Variants in OLFML3 observed in about 807,000 individuals in gnomAD.
OLFML3 encodes olfactomedin-like protein 3.
Under a neutral mutation model 36.0 loss-of-function variants are expected in OLFML3, and 26 were observed. That is an observed-to-expected ratio of 0.72 (90% CI 0.53 to 1.00). OLFML3 has a LOEUF of 1.00. OLFML3 is among the 50% of genes least tolerant of loss of function. The pLI, the probability that OLFML3 is intolerant of heterozygous loss-of-function variation, is 0.00. For missense variants in OLFML3, 503 were observed against 519.4 expected (o/e 0.97, Z 0.31); for synonymous variants, 184 against 201.2 (o/e 0.91, Z 0.72).
rs763643091 is a variant in OLFML3 at position 113,981,324 on chromosome 1, CA to C, written c.777del (p.Glu260ArgfsTer3). The part of the protein sequence containing the change: ...RTVVDSSVFP[A>X]EGLIPPYGLT... ...GTGGTGGACAGCTCAGTATTCCCAG[CA>C]GAGGGGCTGATCCCCCCCTACGGCT... On this transcript the variant is annotated frameshift_variant, in exon 3 of 3. Coordinates refer to ENST00000320334, the MANE Select transcript of OLFML3 (RefSeq NM_020190.5). LOFTEE classifies it high-confidence loss of function. 2 of 1,598,402 alleles carry C rather than the reference CA, an allele frequency of 1.3e-6. No individual in the cohort carries two copies. The highest frequency in any genetic ancestry group is 2.3e-5 in the South Asian group (2 of 88,028).
chr1:113,980,045 A>C (rs748260280), intron 1 of OLFML3: 1 of 1,540,444 alleles, frequency 6.5e-7, no homozygotes, highest in South Asian at 1.2e-5. Flanking sequence ...TCACACCTTC[A>C]TGCGCTTAGA....
Position 113,980,588 on chromosome 1 carries a change from G to A in OLFML3, c.371G>A (p.Arg124Lys), listed in dbSNP as rs369302877. The change falls in exon 2 of 3, where the codon AGA becomes AAA. Residue 124 changes from arginine to lysine, a missense_variant. By Grantham distance (26) the Arg-to-Lys change is conservative. Transcript: ENST00000320334. ...GGCCCTGGGACCAAAGGCAAGGGAAGAAGGAATGAGAAGTACGATATGGTG... is the reference window on the plus strand; with the variant it reads ...GGCCCTGGGACCAAAGGCAAGGGAAAAAGGAATGAGAAGTACGATATGGTG... Reference protein sequence around the residue: ...TGGPGTKGKGRRNEKYDMVTD... With the variant: ...TGGPGTKGKGKRNEKYDMVTD... The A allele has an allele frequency of 1.9e-6, 3 of 1,607,524 alleles. No homozygotes were observed. Among genetic ancestry groups the A allele is most frequent in the Non-Finnish European group, 2.5e-6 (3 of 1,176,994 alleles).
In OLFML3 at chr1:113,979,575, A is replaced by G; in HGVS notation, c.59A>G (p.Gln20Arg). Residue 20 changes from glutamine (Q) to arginine (R), a missense_variant, in exon 1 of 3, where the codon CAA (glutamine) becomes CGA (arginine). Physicochemically the swap from Gln to Arg is conservative, Grantham distance 43. Coordinates refer to ENST00000320334, the MANE Select transcript of OLFML3 (RefSeq NM_020190.5). Reference sequence around the variant, plus strand: ...CTTTTGTCATGGTCGGGACCCCTCCAAGGACAGCAGCACCACCTTGTGGAG... The same window carrying G: ...CTTTTGTCATGGTCGGGACCCCTCCGAGGACAGCAGCACCACCTTGTGGAG... Reference protein sequence around the residue: ...LFLLSWSGPLQGQQHHLVEYM... With the variant: ...LFLLSWSGPLRGQQHHLVEYM... 1 of 1,614,152 alleles carries G rather than the reference A, an allele frequency of 6.2e-7. No homozygotes were observed. The highest frequency in any genetic ancestry group is 1.1e-5 in the South Asian group (1 of 91,078).
chr1:113,979,872 GA>G (rs1673342541), intron 1 of OLFML3: 1 of 1,285,044 alleles, frequency 7.8e-7, no homozygotes, highest in Non-Finnish European at 1.0e-6. Context: ...GGGCAGAGTG[GA>G]AACGAGAGCC....
chr1:113,980,285 G>C, intron 1 of OLFML3, 47 bp from the exon 2 acceptor site: 1 of 1,524,256 alleles, frequency 6.6e-7, no homozygotes, highest in South Asian at 1.3e-5. Flanking sequence ...CTCCCTGCCT[G>C]GGAGTTGTAA....
rs143253098 is a variant in OLFML3 at position 113,980,559 on chromosome 1, T to C, written c.342T>C (p.Thr114=). ...LPCVEFDEKV[T]GGPGTKGKGR... is the part of the protein sequence containing the mutation. ...GTGTAGAGTTTGATGAGAAGGTGAC[T>C]GGAGGCCCTGGGACCAAAGGCAAGG... Residue 114 remains threonine (T), a synonymous_variant, in exon 2 of 3, where the codon ACT becomes ACC. Coordinates refer to ENST00000320334, the MANE Select transcript of OLFML3 (RefSeq NM_020190.5). 147 of 1,613,012 alleles carry C rather than the reference T, an allele frequency of 9.1e-5. No homozygotes were observed. The highest frequency in any genetic ancestry group is 1.0e-4 in the Non-Finnish European group (120 of 1,179,648).
In OLFML3 at chr1:113,981,441, T is replaced by C. The variant is rs1321681989; in HGVS notation, c.893T>C (p.Leu298Pro). 6.2e-7 allele frequency: 1 copy of C among 1,613,306 alleles called. No homozygotes were observed. Among genetic ancestry groups the C allele is most frequent in the African/African-American group, 1.3e-5 (1 of 74,904 alleles). The change falls in exon 3 of 3, where the codon CTG becomes CCG. Residue 298 changes from leucine to proline, a missense_variant. Physicochemically the swap from Leu to Pro is moderately conservative, Grantham distance 98. Coordinates refer to ENST00000320334, the MANE Select transcript of OLFML3 (RefSeq NM_020190.5). Reference sequence around the variant, plus strand: ...CGGGAGGATGACAGGCACTTGTGTCTGGCCAAGTTAGATCCACAGACACTG... The same window carrying C: ...CGGGAGGATGACAGGCACTTGTGTCCGGCCAAGTTAGATCCACAGACACTG... ...ATREDDRHLC[L>P]AKLDPQTLDT...
rs768523728 is a variant in OLFML3, at chr1:113,981,417, G to A, written c.869G>A (p.Arg290Gln). ...GGTCTTTGGGCTGTCTATGCCACCC[G>A]GGAGGATGACAGGCACTTGTGTCTG... is the stretch of plus-strand genomic sequence containing the variant. Reference protein sequence around the residue: ...EEGLWAVYATREDDRHLCLAK... With the variant: ...EEGLWAVYATQEDDRHLCLAK... The change falls in exon 3 of 3, where the codon CGG (arginine) becomes CAG (glutamine). Residue 290 changes from arginine to glutamine, a missense_variant. Transcript: ENST00000320334. 12 of 1,612,778 alleles carry A rather than the reference G, an allele frequency of 7.4e-6. No individual in the cohort carries two copies. Among genetic ancestry groups the A allele is most frequent in the Non-Finnish European group, 9.3e-6 (11 of 1,179,310 alleles).
Position 113,981,268 on chromosome 1 carries a change from G to C in OLFML3, c.720G>C (p.Gln240His), listed in dbSNP as rs748663617. Residue 240 changes from glutamine to histidine, a missense_variant, in exon 3 of 3, where the codon CAG becomes CAC. Coordinates refer to ENST00000320334, the MANE Select transcript of OLFML3 (RefSeq NM_020190.5). ...GGGGEMENTL[Q>H]LIKFHLANRT... ...GTGGTGAGATGGAGAACACTTTGCA[G>C]CTAATCAAATTCCACCTGGCAAACC... 9 of 1,609,858 alleles carry C rather than the reference G, an allele frequency of 5.6e-6. No individual in the cohort carries two copies. The highest frequency in any genetic ancestry group is 1.7e-4 in the Middle Eastern group (1 of 6,040).
At chr1:113,979,984 C>T (rs913785383) in intron 1 of OLFML3, 52 of 1,456,284 alleles carry the variant, frequency 3.6e-5, no homozygotes, top group Admixed American at 5.5e-5. Context: ...GGTTGAGATC[C>T]GTAGCATTTT....
Position 113,981,330 on chromosome 1 carries a change from G to C in OLFML3, c.782G>C (p.Gly261Ala). 3 of 1,599,166 alleles carry C rather than the reference G, an allele frequency of 1.9e-6. No individual in the cohort carries two copies. The highest frequency in any genetic ancestry group is 2.6e-6 in the Non-Finnish European group (3 of 1,172,024). Residue 261 changes from glycine (G) to alanine (A), a missense_variant, in exon 3 of 3, where the codon GGG (glycine) becomes GCG (alanine). Transcript: ENST00000320334. The stretch of plus-strand genomic sequence containing the variant: ...GACAGCTCAGTATTCCCAGCAGAGG[G>C]GCTGATCCCCCCCTACGGCTTGACA... ...VVDSSVFPAE[G>A]LIPPYGLTAD...
intron 1 of OLFML3, 46 bp from the exon 2 acceptor site, chr1:113,980,286 G>C (rs1673361493): frequency 6.6e-7 from 1 of 1,524,236 alleles, no homozygotes; most frequent in South Asian, 1.3e-5. Context: ...TCCCTGCCTG[G>C]GAGTTGTAAC....
In OLFML3 at chr1:113,981,686, C is replaced by G. The variant is rs745554030; in HGVS notation, c.1138C>G (p.Arg380Gly). 1.2e-5 allele frequency: 19 copies of G among 1,613,936 alleles called. 1 individual carries two copies. The highest frequency in any genetic ancestry group is 1.6e-4 in the Middle Eastern group (1 of 6,084). ...GAHASLRYNP[R>G]ERQLYAWDDG... ...CCATGCCAGCCTCCGCTATAACCCCCGAGAACGCCAGCTCTATGCCTGGGA... is the reference window on the plus strand; with the variant it reads ...CCATGCCAGCCTCCGCTATAACCCCGGAGAACGCCAGCTCTATGCCTGGGA... The change falls in exon 3 of 3, where the codon CGA (arginine) becomes GGA (glycine). Residue 380 changes from arginine to glycine, a missense_variant. Physicochemically the swap from Arg to Gly is moderately radical, Grantham distance 125. Coordinates refer to ENST00000320334, the MANE Select transcript of OLFML3 (RefSeq NM_020190.5).
At chr1:113,979,657 C>T (rs753500974) in intron 1 of OLFML3, 27 bp downstream of exon 1, 8 of 1,480,838 alleles carry the variant, frequency 5.4e-6, no homozygotes, top group Non-Finnish European at 5.7e-6. Flanking sequence ...TCTTCTAGCC[C>T]CGCCTAGAAG....
chr1:113,980,706 G>A, intron 2 of OLFML3, 89 bp downstream of exon 2: 1 of 1,365,224 alleles, frequency 7.3e-7, no homozygotes. Flanking sequence ...CTTTGTCCCA[G>A]TCCATTGTGG....
Position 113,980,558 on chromosome 1 carries a change from C to A in OLFML3, c.341C>A (p.Thr114Asn). The part of the protein sequence containing the change: ...LPCVEFDEKV[T>N]GGPGTKGKGR... ...TGTGTAGAGTTTGATGAGAAGGTGACTGGAGGCCCTGGGACCAAAGGCAAG... is the reference window on the plus strand; with the variant it reads ...TGTGTAGAGTTTGATGAGAAGGTGAATGGAGGCCCTGGGACCAAAGGCAAG... Residue 114 changes from threonine (T) to asparagine (N), a missense_variant, in exon 2 of 3, where the codon ACT becomes AAT. By Grantham distance (65) the Thr-to-Asn change is moderately conservative. Transcript: ENST00000320334. 1 of 1,613,126 alleles carries A rather than the reference C, an allele frequency of 6.2e-7. No homozygotes were observed. Among genetic ancestry groups the A allele is most frequent in the African/African-American group, 1.3e-5 (1 of 74,942 alleles).
At chr1:113,980,224 C>T in intron 1 of OLFML3, 108 bp from the exon 2 acceptor site, 4 of 1,522,960 alleles carry the variant, frequency 2.6e-6, no homozygotes, top group Non-Finnish European at 3.5e-6. Context: ...GATATTGAAG[C>T]CTGGCTGAGT....
chr1:113,981,805 C>T lies in OLFML3; in HGVS notation c.*36C>T. The T allele has an allele frequency of 1.3e-6, 2 of 1,541,290 alleles. No homozygotes were observed. Among genetic ancestry groups the T allele is most frequent in the Non-Finnish European group, 1.8e-6 (2 of 1,127,644 alleles). ...TTGTTTTTTGCATCTTTCTCACTCCCATACATTTATATTATATCCCCACTA... is the reference window on the plus strand; with the variant it reads ...TTGTTTTTTGCATCTTTCTCACTCCTATACATTTATATTATATCCCCACTA... On this transcript the variant is annotated 3_prime_UTR_variant, in exon 3 of 3. Coordinates refer to ENST00000320334, the MANE Select transcript of OLFML3 (RefSeq NM_020190.5).
At position 113,981,903 on chromosome 1, in the gene OLFML3, A is replaced by G; in HGVS notation, c.*134A>G. The G allele has an allele frequency of 1.3e-6, 1 of 774,748 alleles. No individual in the cohort carries two copies. The highest frequency in any genetic ancestry group is 1.8e-5 in the African/African-American group (1 of 57,098). The allele number at this position is 774,748 out of a possible 1,614,324, so 48.0% of individuals were successfully genotyped here. Reference sequence around the variant, plus strand: ...TCCTCTATATTTTTAGCCAATGGCAATCAAATTCTTTCAGCTCCTTTGTTT... The same window carrying G: ...TCCTCTATATTTTTAGCCAATGGCAGTCAAATTCTTTCAGCTCCTTTGTTT... On this transcript the variant is annotated 3_prime_UTR_variant, in exon 3 of 3. Coordinates refer to ENST00000320334, the MANE Select transcript of OLFML3 (RefSeq NM_020190.5).
Sources: gnomAD v4.1 joint callset for allele counts on GRCh38, gnomAD v4.1.1 for gene constraint, MANE v1.5 for transcripts, NCBI Gene and HGNC (gene_info 2026-07-23, HGNC 2026-07-21) for gene names.